Variants in NTM observed in about 807,000 individuals in gnomAD.
NTM encodes the protein neurotrimin, also known as IgLON family member 2.
NTM carries 13 observed loss-of-function variants against 42.1 expected under a neutral mutation model. The observed-to-expected ratio is 0.31, with a 90% confidence interval of 0.20 to 0.49. The LOEUF (loss-of-function observed/expected upper bound fraction) is 0.49. NTM is among the 20% of genes least tolerant of loss of function. The pLI, the probability that NTM is intolerant of heterozygous loss-of-function variation, is 0.99. For missense variants in NTM, 373 were observed against 452.8 expected, an observed-to-expected ratio of 0.82 and a Z score of 1.60; for synonymous variants, 187 against 179.2, an observed-to-expected ratio of 1.04 and a Z score of -0.35.
intron 1 of NTM, among the ~76,000 whole-genome samples, chr11:131,777,762 G>A (rs529777944): frequency 6.6e-6 from 1 of 152,014 alleles, no homozygotes; most frequent in African/African-American, 2.4e-5. Flanking sequence ...CATTACATTA[G>A]TGTAATGACA....
At chr11:131,832,490 C>G (rs930405129) in intron 1 of NTM, among the ~76,000 whole-genome samples, 8 of 152,142 alleles carry the variant, frequency 5.3e-5, no homozygotes, top group Admixed American at 2.0e-4. Flanking sequence ...TTACTATAAG[C>G]CTTAATTTTA....
In NTM at chr11:131,484,902, A is replaced by G. The variant is rs184920581; in HGVS notation, c.82+114014A>G. ...AAACAGAAATGGAACATAAGCATTGAAATCAGAGAGATCTGAATGGAAAAT... is the reference window on the plus strand; with the variant it reads ...AAACAGAAATGGAACATAAGCATTGGAATCAGAGAGATCTGAATGGAAAAT... On this transcript the variant is annotated intron_variant, in intron 1 of 8. Transcript: ENST00000683400. 2.6e-5 allele frequency among the ~76,000 whole-genome samples: 4 copies of G among 152,360 alleles called. No individual in the cohort carries two copies. The East Asian group carries it at 7.7e-4, about 29-fold the overall frequency.
At chr11:131,851,912 G>C (rs1565629930) in intron 1 of NTM, among the ~76,000 whole-genome samples, 1 of 152,152 alleles carries the variant, frequency 6.6e-6, no homozygotes, top group Non-Finnish European at 1.5e-5. Context: ...TTCATAAAGA[G>C]TTCTGAAGAA....
At chr11:131,911,415 C>A (rs2054952200) in intron 1 of NTM, 149 bp from the exon 2 acceptor site, 7 of 1,605,818 alleles carry the variant, frequency 4.4e-6, no homozygotes, top group Non-Finnish European at 6.0e-6. Context: ...CCACCCACTT[C>A]CTGTGCTCGC....
intron 3 of NTM, among the ~76,000 whole-genome samples, chr11:132,200,722 G>T (rs773923719): frequency 1.3e-5 from 2 of 152,018 alleles, no homozygotes; most frequent in Admixed American, 6.5e-5. Context: ...GCTGAGAGCC[G>T]AGAGCGGCGA....
At chr11:132,301,185 T>G (rs1420080098) in intron 4 of NTM, among the ~76,000 whole-genome samples, 6 of 152,156 alleles carry the variant, frequency 3.9e-5, no homozygotes, top group Non-Finnish European at 8.8e-5. Flanking sequence ...AACACGTCCT[T>G]CTTCACAAGG....
At chr11:131,442,531 A>C (rs1355385288) in intron 1 of NTM, among the ~76,000 whole-genome samples, 3 of 152,104 alleles carry the variant, frequency 2.0e-5, no homozygotes, top group Non-Finnish European at 4.4e-5. Flanking sequence ...AATAGTGAAC[A>C]CTGTACCCAA....
At chr11:131,788,661 C>T (rs1414808195) in intron 1 of NTM, among the ~76,000 whole-genome samples, 4 of 152,158 alleles carry the variant, frequency 2.6e-5, no homozygotes, top group African/African-American at 9.7e-5. Flanking sequence ...CTTTCCTATC[C>T]TCCCTCATTA....
At chr11:131,508,695 C>G (rs1423923579) in intron 1 of NTM, among the ~76,000 whole-genome samples, 1 of 150,922 alleles carries the variant, frequency 6.6e-6, no homozygotes, top group East Asian at 1.9e-4. Flanking sequence ...CCATGGAATA[C>G]TATGCAGCCA....
At chr11:131,641,230 T>A (rs2134227869) in intron 1 of NTM, among the ~76,000 whole-genome samples, 1 of 152,320 alleles carries the variant, frequency 6.6e-6, no homozygotes, top group East Asian at 1.9e-4. Flanking sequence ...CAGCATGACT[T>A]TGAATGGGAA....
chr11:131,391,178 G>A (rs1943944141), intron 1 of NTM, among the ~76,000 whole-genome samples: 1 of 152,124 alleles, frequency 6.6e-6, no homozygotes, highest in African/African-American at 2.4e-5. Context: ...TAGCATTTTA[G>A]TGCTGAGAAT....
At chr11:131,530,640 C>T (rs2051130900) in intron 1 of NTM, among the ~76,000 whole-genome samples, 1 of 152,172 alleles carries the variant, frequency 6.6e-6, no homozygotes, top group African/African-American at 2.4e-5. Context: ...CTGCCAGCCT[C>T]AGCTCATGTG....
At chr11:131,869,405 C>G (rs1388689285) in intron 1 of NTM, among the ~76,000 whole-genome samples, 1 of 152,242 alleles carries the variant, frequency 6.6e-6, no homozygotes, top group Non-Finnish European at 1.5e-5. Context: ...CTTCCCCACT[C>G]TCCTTCGGGG....
intron 1 of NTM, among the ~76,000 whole-genome samples, chr11:131,894,844 C>A (rs548871204): frequency 6.6e-6 from 1 of 152,166 alleles, no homozygotes; most frequent in South Asian, 2.1e-4. Flanking sequence ...AATGAATCTT[C>A]CTTTCTCTGT....
intron 2 of NTM, among the ~76,000 whole-genome samples, chr11:131,970,679 C>T (rs1274566619): frequency 6.6e-6 from 1 of 152,220 alleles, no homozygotes; most frequent in Non-Finnish European, 1.5e-5. Context: ...GGGCTCTCCC[C>T]TCATTCTTCA....
At chr11:131,468,204 A>G (rs1405847642) in intron 1 of NTM, among the ~76,000 whole-genome samples, 1 of 152,102 alleles carries the variant, frequency 6.6e-6, no homozygotes, top group East Asian at 1.9e-4. Context: ...AGCCCATCTG[A>G]TTGACTGGCT....
chr11:131,493,228 G>A (rs1954982936), intron 1 of NTM, among the ~76,000 whole-genome samples: 1 of 152,080 alleles, frequency 6.6e-6, no homozygotes, highest in African/African-American at 2.4e-5. Context: ...GGCAGAGTGA[G>A]ACACTGTCTC....
chr11:132,029,569 C>A (rs942487453), intron 2 of NTM, among the ~76,000 whole-genome samples: 1 of 151,992 alleles, frequency 6.6e-6, no homozygotes, highest in African/African-American at 2.4e-5. Context: ...TGACTCCAGC[C>A]TGTTTAGGTG....
intron 3 of NTM, among the ~76,000 whole-genome samples, chr11:132,203,940 C>A (rs2138518183): frequency 6.6e-6 from 1 of 151,994 alleles, no homozygotes; most frequent in South Asian, 2.1e-4. Context: ...AAAAACACTG[C>A]AATTTTCAGC....
Sources: gnomAD v4.1 joint callset for allele counts (sites outside exome capture counted in the v4.1 genomes callset) on GRCh38, gnomAD v4.1.1 for gene constraint, MANE v1.5 for transcripts, NCBI Gene and HGNC (gene_info 2026-07-23, HGNC 2026-07-21) for gene names.